Variants in ELF2 observed in about 807,000 individuals in gnomAD.
The protein encoded by ELF2 is E74 like ETS transcription factor 2.
In ELF2, 11 loss-of-function variants were observed where a neutral mutation model predicts 54.8. The ratio of observed to expected loss-of-function variants is 0.20; its 90% CI spans 0.13 to 0.33. The LOEUF is 0.33. ELF2 is among the 10% of genes least tolerant of loss of function. The probability of loss-of-function intolerance (pLI) is 1.00; values close to 1 mark genes in which losing one functional copy is unlikely to be tolerated. For missense variants in ELF2, 513 were observed against 703.0 expected, an observed-to-expected ratio of 0.73 and a Z score of 3.06; for synonymous variants, 203 against 245.1, an observed-to-expected ratio of 0.83 and a Z score of 1.61.
chr4:139,074,481 G>C (rs1729986501), intron 4 of ELF2, among the ~76,000 whole-genome samples: 1 of 152,028 alleles, frequency 6.6e-6, no homozygotes, highest in African/African-American at 2.4e-5. Context: ...AAATATTGCA[G>C]GGGGGCCGGG....
At chr4:139,166,704 TA>T in intron 1 of ELF2, among the ~76,000 whole-genome samples, 1 of 152,034 alleles carries the variant, frequency 6.6e-6, no homozygotes, top group South Asian at 2.1e-4. Flanking sequence ...CCATCTCTAC[TA>T]AAAATACAAA....
At chr4:139,071,798 C>T in intron 6 of ELF2, 68 bp downstream of exon 6, 1 of 1,431,186 alleles carries the variant, frequency 7.0e-7, no homozygotes, top group South Asian at 1.4e-5. Flanking sequence ...TTCTATGTCC[C>T]TTGATGAGGA....
At position 139,160,535 on chromosome 4, in the gene ELF2, C is replaced by T. The variant is rs1257199776; in HGVS notation, c.-252+16432G>A. 2.6e-5 allele frequency among the ~76,000 whole-genome samples: 4 copies of T among 152,144 alleles called. No homozygotes were observed. In the East Asian group the frequency reaches 7.7e-4, roughly 29 times the overall value. On this transcript the variant is annotated intron_variant, in intron 1 of 9. Coordinates refer to ENST00000686138, the MANE Select transcript of ELF2 (RefSeq NM_001331036.3). ...ATAGACAAGGTAAAACAACTCAAAA[C>T]ATAAATTTCAACCCCACAGCAACTT... is the stretch of plus-strand genomic sequence containing the variant.
chr4:139,064,767 C>G (rs1728430355), intron 7 of ELF2, among the ~76,000 whole-genome samples: 1 of 152,102 alleles, frequency 6.6e-6, no homozygotes, highest in Non-Finnish European at 1.5e-5. Context: ...GTAATCCCAG[C>G]TACTCAGGAG....
At position 139,071,894 on chromosome 4, in the gene ELF2, A is replaced by C; in HGVS notation, c.498T>G (p.Asp166Glu). 6.2e-7 allele frequency: 1 copy of C among 1,604,544 alleles called. No homozygotes were observed. Among genetic ancestry groups the C allele is most frequent in the Non-Finnish European group, 8.5e-7 (1 of 1,178,040 alleles). The change falls in exon 6 of 10, where the codon GAT (aspartate) becomes GAG (glutamate). Residue 166 changes from aspartate (D) to glutamate (E), a missense_variant. By Grantham distance (45) the Asp-to-Glu change is conservative. Transcript: ENST00000686138. ...MDTSPIPTSP[D>E]SHEPMKKKKV... Reference sequence around the variant, plus strand: ...TTTTCTTTTTCATTGGTTCATGGCTATCTGGTGATGTTGGAATAGGAGAGG... The same window carrying C: ...TTTTCTTTTTCATTGGTTCATGGCTCTCTGGTGATGTTGGAATAGGAGAGG...
intron 2 of ELF2, 27 bp downstream of exon 2, chr4:139,139,386 A>G (rs1000345313): frequency 9.8e-6 from 11 of 1,120,362 alleles, no homozygotes; most frequent in Middle Eastern, 3.4e-4. Context: ...AATATATATA[A>G]TAATAGCAGA....
intron 9 of ELF2, 101 bp from the exon 10 acceptor site, chr4:139,059,708 A>T: frequency 7.1e-7 from 1 of 1,401,650 alleles, no homozygotes; most frequent in Non-Finnish European, 9.6e-7. Context: ...GTGTAAAATT[A>T]GTGCTCCCAA....
intron 4 of ELF2, among the ~76,000 whole-genome samples, chr4:139,120,413 T>C (rs530506054): frequency 1.3e-5 from 2 of 152,154 alleles, no homozygotes; most frequent in Non-Finnish European, 2.9e-5. Context: ...CAATTAATCC[T>C]ATATCCAACT....
intron 1 of ELF2, among the ~76,000 whole-genome samples, chr4:139,147,850 G>A (rs567502891): frequency 1.3e-3 from 193 of 143,698 alleles, no homozygotes; most frequent in Non-Finnish European, 2.3e-3. Context: ...GCAATGGCAC[G>A]ATCTCGGCTC....
intron 1 of ELF2, among the ~76,000 whole-genome samples, chr4:139,173,314 C>T (rs1742517925): frequency 6.6e-6 from 1 of 151,240 alleles, no homozygotes; most frequent in Non-Finnish European, 1.5e-5. Context: ...AGTGTACATA[C>T]CCAAAGAAAT....
At chr4:139,152,352 T>G (rs1398454640) in intron 1 of ELF2, among the ~76,000 whole-genome samples, 1 of 152,028 alleles carries the variant, frequency 6.6e-6, no homozygotes, top group African/African-American at 2.4e-5. Flanking sequence ...TTTTTTTTTT[T>G]GAAATGGGAT....
intron 4 of ELF2, among the ~76,000 whole-genome samples, chr4:139,115,749 C>T (rs1261150817): frequency 6.6e-6 from 1 of 152,192 alleles, no homozygotes; most frequent in Admixed American, 6.5e-5. Flanking sequence ...TTATATTTGG[C>T]AGCATTTTTT....
At chr4:139,084,015 G>A in intron 4 of ELF2, 1 of 1,528,094 alleles carries the variant, frequency 6.5e-7, no homozygotes, top group East Asian at 2.3e-5. Flanking sequence ...CCGCCCCAGT[G>A]ACTGTGAGGT....
intron 1 of ELF2, chr4:139,155,230 T>C (rs944185216): frequency 6.6e-6 from 1 of 152,198 alleles, no homozygotes; most frequent in Non-Finnish European, 1.5e-5. Flanking sequence ...AGTTCTAAGC[T>C]GTAGTTCACT....
chr4:139,084,365 G>T, intron 4 of ELF2: 1 of 1,478,416 alleles, frequency 6.8e-7, no homozygotes, highest in Non-Finnish European at 9.0e-7. Context: ...AGGAAGCCGA[G>T]GCCGGCCCGC....
intron 4 of ELF2, among the ~76,000 whole-genome samples, chr4:139,086,056 A>T (rs1731942224): frequency 6.6e-6 from 1 of 152,234 alleles, no homozygotes; most frequent in South Asian, 2.1e-4. Flanking sequence ...TTTAGAAGTT[A>T]TAAAAAAAGT....
intron 4 of ELF2, among the ~76,000 whole-genome samples, chr4:139,097,956 T>G (rs1309979352): frequency 6.6e-6 from 1 of 152,188 alleles, no homozygotes; most frequent in Non-Finnish European, 1.5e-5. Context: ...TGCCTCAGCC[T>G]CCCAAAGCAC....
chr4:139,165,873 C>A (rs1055928962), intron 1 of ELF2, among the ~76,000 whole-genome samples: 14 of 151,992 alleles, frequency 9.2e-5, no homozygotes, highest in Admixed American at 5.2e-4. Flanking sequence ...ATGAATATTC[C>A]AAAAGTATAT....
At chr4:139,138,907 C>G (rs1738442721) in intron 2 of ELF2, among the ~76,000 whole-genome samples, 1 of 152,056 alleles carries the variant, frequency 6.6e-6, no homozygotes. Context: ...AATTTCTTAA[C>G]CTCTCACATT....
Sources: allele counts gnomAD v4.1 joint callset (sites outside exome capture counted in the v4.1 genomes callset), GRCh38; gene constraint gnomAD v4.1.1; transcripts MANE v1.5; gene names NCBI Gene and HGNC (gene_info 2026-07-23, HGNC 2026-07-21).